ADARB2: variants seen among roughly 807,000 people sequenced by gnomAD.
ADARB2 encodes the protein inactive double-stranded RNA-specific editase B2.
In ADARB2, 25 loss-of-function variants were observed where a neutral mutation model predicts 62.2. The ratio of observed to expected loss-of-function variants is 0.40; its 90% CI spans 0.29 to 0.56. The LOEUF is 0.56. ADARB2 is among the 20% of genes least tolerant of loss of function. ADARB2 has a pLI of 0.43. For missense variants in ADARB2, 1,071 were observed against 1,077.4 expected (o/e 0.99, Z 0.08); for synonymous variants, 572 against 500.8 (o/e 1.14, Z -1.90).
chr10:1,413,115 G>A (rs953060310), intron 1 of ADARB2, among the ~76,000 whole-genome samples: 3 of 152,138 alleles, frequency 2.0e-5, no homozygotes, highest in Non-Finnish European at 2.9e-5. Flanking sequence ...GGTCTAGAAC[G>A]GTCTGCAGGC....
At chr10:1,573,316 C>T (rs1832965623) in intron 1 of ADARB2, among the ~76,000 whole-genome samples, 1 of 152,180 alleles carries the variant, frequency 6.6e-6, no homozygotes, top group African/African-American at 2.4e-5. Context: ...GCTCAGGTTG[C>T]AACTCCCCAC....
chr10:1,514,243 C>T (rs549738244), intron 1 of ADARB2, among the ~76,000 whole-genome samples: 2 of 134,116 alleles, frequency 1.5e-5, no homozygotes, highest in African/African-American at 5.3e-5. Context: ...TAAAAATATA[C>T]TTGATATTGC....
intron 3 of ADARB2, among the ~76,000 whole-genome samples, chr10:1,326,219 AACTTTGCAGC>A (rs1277428097): frequency 6.6e-6 from 1 of 152,152 alleles, no homozygotes; most frequent in Non-Finnish European, 1.5e-5. Context: ...TGCTGCTAGG[AACTTTGCAGC>A]ACACAAGGCT....
At chr10:1,271,362 T>C (rs1589172390) in intron 3 of ADARB2, among the ~76,000 whole-genome samples, 1 of 152,168 alleles carries the variant, frequency 6.6e-6, no homozygotes, top group Non-Finnish European at 1.5e-5. Context: ...CTACTTCCTC[T>C]CCCTGCCTCT....
Position 1,628,933 on chromosome 10 carries a change from G to T in ADARB2, c.100+108118C>A, listed in dbSNP as rs78758408. 4.7e-4 allele frequency among the ~76,000 whole-genome samples: 72 copies of T among 152,324 alleles called. No individual in the cohort carries two copies. In the East Asian group the frequency reaches 0.01, roughly 22 times the overall value. ...GTCCGTTGGGTTCTGACTCAAGATC[G>T]GTCTGTGCTTCTTCCCTGTAGCTCC... is the stretch of plus-strand genomic sequence containing the variant. On this transcript the variant is annotated intron_variant, in intron 1 of 9. Coordinates refer to ENST00000381312, the MANE Select transcript of ADARB2 (RefSeq NM_018702.4).
At chr10:1,502,679 G>A (rs1831780869) in intron 1 of ADARB2, among the ~76,000 whole-genome samples, 1 of 152,244 alleles carries the variant, frequency 6.6e-6, no homozygotes, top group South Asian at 2.1e-4. Flanking sequence ...TCGGGTGCAT[G>A]AGCTGGGCCT....
intron 1 of ADARB2, among the ~76,000 whole-genome samples, chr10:1,637,326 T>G (rs910231074): frequency 6.6e-6 from 1 of 152,228 alleles, no homozygotes; most frequent in African/African-American, 2.4e-5. Flanking sequence ...TGTCACCAGC[T>G]TCATTCTTTA....
chr10:1,569,056 G>A (rs1832899300), intron 1 of ADARB2, among the ~76,000 whole-genome samples: 1 of 151,840 alleles, frequency 6.6e-6, no homozygotes, highest in Admixed American at 6.6e-5. Context: ...GAGAGACAGA[G>A]AGAAAGAGAG....
chr10:1,258,118 C>G (rs1235261398), intron 4 of ADARB2, among the ~76,000 whole-genome samples: 3 of 152,162 alleles, frequency 2.0e-5, no homozygotes, highest in Non-Finnish European at 4.4e-5. Context: ...CTAGCTCTCT[C>G]TTTTTCTCTT....
chr10:1,501,034 C>T (rs900143378), intron 1 of ADARB2, among the ~76,000 whole-genome samples: 10 of 152,126 alleles, frequency 6.6e-5, no homozygotes, highest in African/African-American at 4.8e-5. Context: ...ACCACCACGC[C>T]CAGCTAATTT....
At chr10:1,280,542 C>CTGAAATTTCTAAGTGATGCTCCG (rs1831360589) in intron 3 of ADARB2, among the ~76,000 whole-genome samples, 1 of 146,318 alleles carries the variant, frequency 6.8e-6, no homozygotes, top group South Asian at 2.1e-4. Flanking sequence ...GGTGTGGATC[C>CTGAAATTTCTAAGTGATGCTCCG]TGAAATTCCT....
At chr10:1,640,885 G>T (rs749202355) in intron 1 of ADARB2, among the ~76,000 whole-genome samples, 5 of 152,188 alleles carry the variant, frequency 3.3e-5, no homozygotes, top group Non-Finnish European at 7.4e-5. Flanking sequence ...AGGGTGAGAT[G>T]GTGAGGTGAA....
intron 3 of ADARB2, among the ~76,000 whole-genome samples, chr10:1,325,216 G>GAC (rs1831833692): frequency 6.6e-6 from 1 of 152,182 alleles, no homozygotes; most frequent in African/African-American, 2.4e-5. Context: ...TGGACACAGA[G>GAC]TCCTCTACCG....
chr10:1,309,959 C>T (rs1311643400), intron 3 of ADARB2, among the ~76,000 whole-genome samples: 1 of 152,252 alleles, frequency 6.6e-6, no homozygotes, highest in African/African-American at 2.4e-5. Context: ...CCGTCTTCAG[C>T]GTCTTCCATC....
intron 3 of ADARB2, among the ~76,000 whole-genome samples, chr10:1,347,111 G>C (rs1832087776): frequency 6.6e-6 from 1 of 152,204 alleles, no homozygotes; most frequent in South Asian, 2.1e-4. Context: ...AGGGGCCCAG[G>C]ACTGGCCCAT....
chr10:1,416,686 C>T (rs536215462), intron 1 of ADARB2, among the ~76,000 whole-genome samples: 2 of 152,376 alleles, frequency 1.3e-5, no homozygotes, highest in South Asian at 4.1e-4. Context: ...TCCATCACCA[C>T]CCTTGTGGGG....
intron 3 of ADARB2, among the ~76,000 whole-genome samples, chr10:1,301,212 G>C (rs17156175): frequency 0.024 from 3,643 of 152,282 alleles, 108 homozygotes; most frequent in East Asian, 0.11. Context: ...GACTCTGTGC[G>C]TGCTAATTTT....
intron 1 of ADARB2, among the ~76,000 whole-genome samples, chr10:1,684,429 C>A (rs1055691913): frequency 6.6e-6 from 1 of 152,006 alleles, no homozygotes; most frequent in African/African-American, 2.4e-5. Flanking sequence ...TTTCTGTATG[C>A]ACACACACAC....
chr10:1,655,467 C>T (rs1034631429), intron 1 of ADARB2, among the ~76,000 whole-genome samples: 10 of 152,180 alleles, frequency 6.6e-5, no homozygotes, highest in Admixed American at 2.6e-4. Context: ...AAAACTGCAA[C>T]GCACACCTAA....
Sources: gnomAD v4.1 joint callset for allele counts (sites outside exome capture counted in the v4.1 genomes callset) on GRCh38, gnomAD v4.1.1 for gene constraint, MANE v1.5 for transcripts, NCBI Gene and HGNC (gene_info 2026-07-23, HGNC 2026-07-21) for gene names.